NUDT7: variants seen among roughly 807,000 people sequenced by gnomAD.
NUDT7 encodes the protein peroxisomal coenzyme A diphosphatase NUDT7.
In NUDT7, 19 loss-of-function variants were observed where a neutral mutation model predicts 13.1. The observed-to-expected ratio is 1.45, with a 90% CI of 1.01 to 2.13. NUDT7 has a LOEUF of 2.13. Ranked by LOEUF, NUDT7 falls within the 30% of genes most tolerant of loss-of-function variation. The pLI, the probability that NUDT7 is intolerant of heterozygous loss-of-function variation, is 0.00. For missense variants in NUDT7, 360 were observed against 291.7 expected, an observed-to-expected ratio of 1.23 and a Z score of -1.71; for synonymous variants, 132 against 109.7, an observed-to-expected ratio of 1.20 and a Z score of -1.27.
chr16:77,725,998 A>T (rs920556466), intron 2 of NUDT7, among the ~76,000 whole-genome samples: 1 of 152,200 alleles, frequency 6.6e-6, no homozygotes, highest in East Asian at 1.9e-4. Flanking sequence ...AGTAGCACAC[A>T]CACCACAAAT....
chr16:77,741,380 A>C, intron 3 of NUDT7: 1 of 529,618 alleles, frequency 1.9e-6, no homozygotes, highest in Non-Finnish European at 3.3e-6. Context: ...TCATTTTCAG[A>C]GTCATCTCAT....
At position 77,742,023 on chromosome 16, in the gene NUDT7, C is replaced by T. The variant is rs1055303592; in HGVS notation, c.*73C>T. ...GCTTATTCGTAGAACAACAACAATGCCAGCTGTTGGAATTTGACAGGTGTG... is the reference window on the plus strand; with the variant it reads ...GCTTATTCGTAGAACAACAACAATGTCAGCTGTTGGAATTTGACAGGTGTG... On this transcript the variant is annotated 3_prime_UTR_variant, in exon 4 of 4. Transcript: ENST00000268533. 4 of 1,492,600 alleles carry T rather than the reference C, an allele frequency of 2.7e-6. No homozygotes were observed. The highest frequency in any genetic ancestry group is 2.8e-5 in the African/African-American group (2 of 71,456). 92.5% of individuals were successfully genotyped at this position (1,492,600 alleles called of 1,614,324 possible). A position where few individuals can be genotyped will look rare whatever the true frequency, so the allele number is the denominator to read the frequency against.
chr16:77,732,326 C>CAAAAA (rs371733996), intron 2 of NUDT7, among the ~76,000 whole-genome samples: 1 of 124,160 alleles, frequency 8.1e-6, no homozygotes, highest in African/African-American at 3.2e-5. Context: ...GAACACGTCT[C>CAAAAA]AAAAAAAAAA....
Position 77,741,911 on chromosome 16 carries a change from A to T in NUDT7, c.678A>T (p.Leu226Phe), listed in dbSNP as rs2014680165. ...ATGTATTAGCATCCTCTGAAGAGTT[A>T]TTCCTGAAGGTTCATAAAAAAGCTA... ...LNDVLASSEE[L>F]FLKVHKKATS... The change falls in exon 4 of 4, where the codon TTA (leucine) becomes TTT (phenylalanine). Residue 226 changes from leucine to phenylalanine, a missense_variant. Coordinates refer to ENST00000268533, the MANE Select transcript of NUDT7 (RefSeq NM_001105663.3). The T allele has an allele frequency of 6.2e-7, 1 of 1,610,376 alleles. No homozygotes were observed. Among genetic ancestry groups the T allele is most frequent in the African/African-American group, 1.3e-5 (1 of 74,664 alleles).
rs148366395 is a variant in NUDT7, at chr16:77,740,635, C to T, written c.349-947C>T. On this transcript the variant is annotated intron_variant, in intron 3 of 3. Coordinates refer to ENST00000268533, the MANE Select transcript of NUDT7 (RefSeq NM_001105663.3). The stretch of plus-strand genomic sequence containing the variant: ...CTCGGCTCACTGCAATCTATCTCCG[C>T]CTCCCAAGTTCAAGCAATTCTCCTG... Among the ~76,000 whole-genome samples, 150 of 152,190 alleles carry T rather than the reference C, an allele frequency of 9.9e-4. 3 individuals carry two copies. Among genetic ancestry groups the T allele is most frequent in the African/African-American group, 3.5e-3 (145 of 41,542 alleles).
chr16:77,723,335 T>G (rs1402177937), intron 1 of NUDT7, among the ~76,000 whole-genome samples: 4 of 152,070 alleles, frequency 2.6e-5, no homozygotes, highest in Non-Finnish European at 5.9e-5. Context: ...TTCAGGCCAT[T>G]TGGTCTTTGA....
At chr16:77,739,948 C>A (rs546095941) in intron 3 of NUDT7, among the ~76,000 whole-genome samples, 3 of 152,156 alleles carry the variant, frequency 2.0e-5, no homozygotes, top group Admixed American at 1.3e-4. Context: ...CCCTTGCCAG[C>A]CTTCTTCCCT....
At chr16:77,723,665 C>G (rs747918569) in intron 1 of NUDT7, among the ~76,000 whole-genome samples, 1 of 149,040 alleles carries the variant, frequency 6.7e-6, no homozygotes, top group South Asian at 2.1e-4. Context: ...AATCTCGGCT[C>G]ACTGCAGCCT....
rs75052239 is a variant in NUDT7 at position 77,734,107 on chromosome 16, C to T, written c.190-1721C>T. The stretch of plus-strand genomic sequence containing the variant: ...AGACCTCTTTTCCTTTACCAACACA[C>T]GCAAAGATAAACATAGATGCCAACA... On this transcript the variant is annotated intron_variant, in intron 2 of 3. Transcript: ENST00000268533. Among the ~76,000 whole-genome samples the T allele has an allele frequency of 9.8e-3, 1,483 of 152,064 alleles. 18 individuals are homozygous for T. Among genetic ancestry groups the T allele is most frequent in the African/African-American group, 0.032 (1,345 of 41,458 alleles).
chr16:77,740,427 G>C (rs1421402669), intron 3 of NUDT7, among the ~76,000 whole-genome samples: 2 of 152,178 alleles, frequency 1.3e-5, no homozygotes, highest in Admixed American at 1.3e-4. Context: ...AAGGCAGGCA[G>C]CTCTTACCAG....
intron 1 of NUDT7, among the ~76,000 whole-genome samples, chr16:77,724,495 A>G (rs1281572219): frequency 6.7e-6 from 1 of 149,080 alleles, no homozygotes; most frequent in Non-Finnish European, 1.5e-5. Context: ...CTGGTTTCAA[A>G]CTCCTGGGCC....
chr16:77,724,765 T>C (rs1752985213), intron 1 of NUDT7, among the ~76,000 whole-genome samples: 1 of 152,224 alleles, frequency 6.6e-6, no homozygotes, highest in African/African-American at 2.4e-5. Flanking sequence ...CCAAAACAAG[T>C]CCACATAGGA....
In NUDT7 at chr16:77,725,497, C is replaced by T. The variant is rs764461484; in HGVS notation, c.102C>T (p.His34=). ...ATGATATTGGAGGCAAATATTCTCA[C>T]TTGCCATATAACAAATACTCCGTCC... ...RKYDIGGKYS[H]LPYNKYSVLL... The change falls in exon 2 of 4, where the codon CAC becomes CAT. Residue 34 remains histidine, a synonymous_variant. Coordinates refer to ENST00000268533, the MANE Select transcript of NUDT7 (RefSeq NM_001105663.3). 1.8e-5 allele frequency: 29 copies of T among 1,612,928 alleles called. No individual in the cohort carries two copies. Among genetic ancestry groups the T allele is most frequent in the Non-Finnish European group, 2.1e-5 (25 of 1,179,064 alleles).
intron 2 of NUDT7, among the ~76,000 whole-genome samples, chr16:77,733,636 G>A (rs1383263165): frequency 6.6e-6 from 1 of 152,174 alleles, no homozygotes; most frequent in South Asian, 2.1e-4. Flanking sequence ...CAATGTCCAG[G>A]ACTGACCTTA....
rs780650270 is a variant in NUDT7 at position 77,741,728 on chromosome 16, T to G, written c.495T>G (p.Arg165=). Residue 165 remains arginine, a synonymous_variant, in exon 4 of 4, where the codon CGT becomes CGG. Transcript: ENST00000268533. ...PQVHDQHYVT[R]LGHRFINHIF... is the part of the protein sequence containing the mutation. The stretch of plus-strand genomic sequence containing the variant: ...TCCATGACCAGCATTACGTCACACG[T>G]CTTGGTCACCGTTTTATTAATCATA... The G allele has an allele frequency of 1.9e-6, 3 of 1,614,016 alleles. No individual in the cohort carries two copies. Among genetic ancestry groups the G allele is most frequent in the Non-Finnish European group, 2.5e-6 (3 of 1,180,036 alleles).
chr16:77,730,824 C>T (rs1435554333), intron 2 of NUDT7, among the ~76,000 whole-genome samples: 1 of 151,824 alleles, frequency 6.6e-6, no homozygotes, highest in African/African-American at 2.4e-5. Flanking sequence ...CGTAATGTCT[C>T]TCTGTGGTTT....
intron 1 of NUDT7, among the ~76,000 whole-genome samples, chr16:77,723,244 C>CG (rs2014019758): frequency 6.6e-6 from 1 of 152,088 alleles, no homozygotes; most frequent in African/African-American, 2.4e-5. Context: ...AGCCACCAGC[C>CG]CACAGTTTCC....
At chr16:77,729,975 A>G (rs538485687) in intron 2 of NUDT7, among the ~76,000 whole-genome samples, 412 of 119,180 alleles carry the variant, frequency 3.5e-3, no homozygotes, top group Non-Finnish European at 5.0e-3. Context: ...ATATTACCAC[A>G]CACATTACCT....
Position 77,739,824 on chromosome 16 carries a change from A to G in NUDT7, c.349-1758A>G, listed in dbSNP as rs533770442. 6.6e-5 allele frequency among the ~76,000 whole-genome samples: 10 copies of G among 152,294 alleles called. No homozygotes were observed. The South Asian group carries it at 2.1e-3, about 32-fold the overall frequency. On this transcript the variant is annotated intron_variant, in intron 3 of 3. Coordinates refer to ENST00000268533, the MANE Select transcript of NUDT7 (RefSeq NM_001105663.3). Reference sequence around the variant, plus strand: ...GAGTGCCTGTGAATTCACCTCTGGCAAGGTAGTCCTTAACCAGTGACTGAC... The same window carrying G: ...GAGTGCCTGTGAATTCACCTCTGGCGAGGTAGTCCTTAACCAGTGACTGAC...
Sources: gnomAD v4.1 joint callset for allele counts (sites outside exome capture counted in the v4.1 genomes callset) on GRCh38, gnomAD v4.1.1 for gene constraint, MANE v1.5 for transcripts, NCBI Gene and HGNC (gene_info 2026-07-23, HGNC 2026-07-21) for gene names.